CACNA2D3: variants seen among roughly 807,000 people sequenced by gnomAD.
The protein encoded by CACNA2D3 is voltage-dependent calcium channel subunit alpha-2/delta-3.
Under a neutral mutation model 160.6 loss-of-function variants are expected in CACNA2D3, and 60 were observed. The observed-to-expected ratio is 0.37, with a 90% confidence interval of 0.30 to 0.46. The LOEUF (loss-of-function observed/expected upper bound fraction) is 0.46. CACNA2D3 is among the 20% of genes least tolerant of loss of function. The pLI, the probability that CACNA2D3 is intolerant of heterozygous loss-of-function variation, is 1.00. For missense variants in CACNA2D3, 1,205 were observed against 1,365.0 expected (o/e 0.88, Z 1.85); for synonymous variants, 558 against 492.9 (o/e 1.13, Z -1.75).
At chr3:54,419,131 T>C (rs1046548110) in intron 4 of CACNA2D3, among the ~76,000 whole-genome samples, 4 of 152,214 alleles carry the variant, frequency 2.6e-5, no homozygotes, top group African/African-American at 7.2e-5. Flanking sequence ...CCAGCAGAAT[T>C]GGGAGTCACT....
chr3:54,687,138 T>TTC lies in CACNA2D3; in HGVS notation c.1167+44898_1167+44899insCT, dbSNP rs1700474385. Among the ~76,000 whole-genome samples the TTC allele has an allele frequency of 4.3e-5, 3 of 69,076 alleles. No individual in the cohort carries two copies. The South Asian group carries it at 1.1e-3, about 26-fold the overall frequency. 45.3% of individuals were successfully genotyped at this position (69,076 alleles called of 152,430 possible). A position where few individuals can be genotyped will look rare whatever the true frequency, so the allele number is the denominator to read the frequency against. The stretch of plus-strand genomic sequence containing the variant: ...TTCTTTTTCTTTTTTTTTTTTTGTT[T>TTC]TTTTTTTTTTTTGTTTTTTTGACAC... On this transcript the variant is annotated intron_variant, in intron 11 of 37. Transcript: ENST00000474759.
intron 2 of CACNA2D3, among the ~76,000 whole-genome samples, chr3:54,254,991 A>G (rs1702267322): frequency 6.6e-6 from 1 of 152,196 alleles, no homozygotes; most frequent in Admixed American, 6.5e-5. Context: ...ATTATTGTCT[A>G]CCTCCTGAAT....
intron 13 of CACNA2D3, among the ~76,000 whole-genome samples, chr3:54,775,737 A>G (rs1333231588): frequency 6.6e-6 from 1 of 152,036 alleles, no homozygotes; most frequent in East Asian, 1.9e-4. Flanking sequence ...ATCACTTCTG[A>G]TGATCAAACA....
intron 10 of CACNA2D3, among the ~76,000 whole-genome samples, chr3:54,641,691 G>T (rs964005671): frequency 6.6e-6 from 1 of 152,196 alleles, no homozygotes; most frequent in Non-Finnish European, 1.5e-5. Flanking sequence ...GCCAGAGTCA[G>T]GTTGGAATTT....
At chr3:54,544,080 GA>G (rs1289919820) in intron 5 of CACNA2D3, among the ~76,000 whole-genome samples, 73 of 152,254 alleles carry the variant, frequency 4.8e-4, no homozygotes, top group African/African-American at 1.7e-3. Flanking sequence ...AGTTATTCAA[GA>G]GGATTGAATT....
At chr3:54,617,607 A>G (rs1419890624) in intron 9 of CACNA2D3, among the ~76,000 whole-genome samples, 12 of 152,234 alleles carry the variant, frequency 7.9e-5, no homozygotes, top group East Asian at 1.9e-4. Flanking sequence ...AGGGCACTCA[A>G]TTTTAAATAT....
intron 4 of CACNA2D3, among the ~76,000 whole-genome samples, chr3:54,451,407 G>T (rs550818607): frequency 6.6e-6 from 1 of 151,382 alleles, no homozygotes; most frequent in Non-Finnish European, 1.5e-5. Context: ...ACACCACCAC[G>T]CTCAGCTAAT....
At chr3:54,570,879 T>G (rs9829139) in intron 8 of CACNA2D3, among the ~76,000 whole-genome samples, 55,617 of 151,756 alleles carry the variant, frequency 0.37, 11,183 homozygotes, top group Middle Eastern at 0.47. Flanking sequence ...CTGCAAAATA[T>G]TTGAAGAGAT....
chr3:54,891,514 G>A (rs1228725357), intron 25 of CACNA2D3, 64 bp downstream of exon 25: 59 of 1,242,696 alleles, frequency 4.7e-5, no homozygotes, highest in Non-Finnish European at 6.8e-5. Context: ...TCAAAGGGAA[G>A]CTTATTTCAT....
Position 54,636,472 on chromosome 3 carries a change from A to G in CACNA2D3, c.1054-5656A>G, listed in dbSNP as rs188869743. On this transcript the variant is annotated intron_variant, in intron 10 of 37. Transcript: ENST00000474759. ...GAAAGCATATGCGTCAGGTATGAGG[A>G]AGAAAATAGATTTTGGAAGTTATGA... is the stretch of plus-strand genomic sequence containing the variant. Among the ~76,000 whole-genome samples the G allele has an allele frequency of 5.7e-4, 87 of 152,102 alleles. No homozygotes were observed. The East Asian group carries it at 9.9e-3, about 17-fold the overall frequency.
chr3:54,996,577 C>T (rs763498370), intron 31 of CACNA2D3, among the ~76,000 whole-genome samples: 3 of 152,172 alleles, frequency 2.0e-5, no homozygotes, highest in Non-Finnish European at 2.9e-5. Flanking sequence ...TCAGAGGACC[C>T]TCTCTTCTTG....
chr3:54,626,428 C>T (rs1375010592), intron 9 of CACNA2D3: 26 of 1,587,058 alleles, frequency 1.6e-5, no homozygotes, highest in Non-Finnish European at 2.2e-5. Context: ...CATGGAGAAG[C>T]CGGAAGTGGT....
intron 29 of CACNA2D3, among the ~76,000 whole-genome samples, chr3:54,982,669 G>T (rs1303283623): frequency 6.6e-6 from 1 of 151,806 alleles, no homozygotes; most frequent in Non-Finnish European, 1.5e-5. Flanking sequence ...TGGCTACACT[G>T]TAGGCAGAGC....
intron 35 of CACNA2D3, among the ~76,000 whole-genome samples, chr3:55,068,209 C>T (rs1213829596): frequency 6.6e-6 from 1 of 152,220 alleles, no homozygotes; most frequent in African/African-American, 2.4e-5. Context: ...TGCCTGTAAC[C>T]TCCTGAGCAG....
chr3:54,775,678 T>A (rs1702412389), intron 13 of CACNA2D3, among the ~76,000 whole-genome samples: 1 of 152,214 alleles, frequency 6.6e-6, no homozygotes, highest in Non-Finnish European at 1.5e-5. Context: ...TTGAGAAAGT[T>A]AGTATAGTAA....
chr3:54,872,484 G>C (rs758635831), intron 18 of CACNA2D3, among the ~76,000 whole-genome samples: 2 of 152,056 alleles, frequency 1.3e-5, no homozygotes, highest in African/African-American at 4.8e-5. Flanking sequence ...TGTTGAGTTG[G>C]CGTTGTTTCC....
chr3:54,766,542 A>G (rs996218546), intron 13 of CACNA2D3, among the ~76,000 whole-genome samples: 9 of 152,216 alleles, frequency 5.9e-5, no homozygotes, highest in African/African-American at 7.2e-5. Context: ...GGCAATCTCT[A>G]TGGAAGTTAA....
At chr3:54,475,874 A>G (rs1700821938) in intron 4 of CACNA2D3, among the ~76,000 whole-genome samples, 1 of 148,940 alleles carries the variant, frequency 6.7e-6, no homozygotes, top group Non-Finnish European at 1.5e-5. Flanking sequence ...TCTACTCTCA[A>G]CAAATTTCAG....
At chr3:54,635,689 G>A (rs1211172911) in intron 10 of CACNA2D3, among the ~76,000 whole-genome samples, 60 of 148,152 alleles carry the variant, frequency 4.0e-4, no homozygotes, top group Admixed American at 4.0e-4. Flanking sequence ...TTGGTGAGGT[G>A]TGTTTTTAAA....
Sources: allele counts gnomAD v4.1 joint callset (sites outside exome capture counted in the v4.1 genomes callset), GRCh38; gene constraint gnomAD v4.1.1; transcripts MANE v1.5; gene names NCBI Gene and HGNC (gene_info 2026-07-23, HGNC 2026-07-21).